PTPRD: variants seen among roughly 807,000 people sequenced by gnomAD.
PTPRD encodes receptor-type tyrosine-protein phosphatase delta.
In PTPRD, 34 loss-of-function variants were observed where a neutral mutation model predicts 214.5. The ratio of observed to expected loss-of-function variants is 0.16; its 90% CI spans 0.12 to 0.21. PTPRD has a LOEUF of 0.21. PTPRD is among the 10% of genes least tolerant of loss of function. The probability of loss-of-function intolerance (pLI) is 1.00; values close to 1 mark genes in which losing one functional copy is unlikely to be tolerated. For missense variants in PTPRD, 2,545 were observed against 2,398.7 expected (o/e 1.06, Z -1.27); for synonymous variants, 1,128 against 845.7 (o/e 1.33, Z -5.79).
At chr9:9,941,949 A>T (rs549677859) in intron 4 of PTPRD, among the ~76,000 whole-genome samples, 1 of 152,202 alleles carries the variant, frequency 6.6e-6, no homozygotes, top group Admixed American at 6.6e-5. Context: ...GATTTAAAAT[A>T]AAGAGTTGAA....
At chr9:9,518,648 T>C (rs2096892586) in intron 8 of PTPRD, among the ~76,000 whole-genome samples, 1 of 152,056 alleles carries the variant, frequency 6.6e-6, no homozygotes, top group Admixed American at 6.6e-5. Context: ...TTAAATATTT[T>C]CCTCAGGAAA....
At chr9:9,475,911 C>A (rs111727808) in intron 8 of PTPRD, among the ~76,000 whole-genome samples, 1 of 152,012 alleles carries the variant, frequency 6.6e-6, no homozygotes, top group Non-Finnish European at 1.5e-5. Context: ...CTGCTACCTC[C>A]GCAGTGGTAG....
At chr9:9,527,582 A>C (rs1328133515) in intron 8 of PTPRD, among the ~76,000 whole-genome samples, 1 of 152,202 alleles carries the variant, frequency 6.6e-6, no homozygotes, top group Non-Finnish European at 1.5e-5. Context: ...CAAATTTCTT[A>C]GAATTGTTTC....
intron 8 of PTPRD, among the ~76,000 whole-genome samples, chr9:9,569,748 G>A (rs1034794759): frequency 1.3e-5 from 2 of 151,518 alleles, no homozygotes; most frequent in Admixed American, 6.6e-5. Flanking sequence ...TGTCGGGAAC[G>A]GGGGAAGGCT....
chr9:8,611,471 G>C lies in PTPRD; in HGVS notation c.352+21846C>G, dbSNP rs1367100276. On this transcript the variant is annotated intron_variant, in intron 14 of 45. Coordinates refer to ENST00000381196, the MANE Select transcript of PTPRD (RefSeq NM_002839.4). Reference sequence around the variant, plus strand: ...TGTAATCCCAGCACTTTGGAAGCCTGAGGAAGGTGAATTGCTTGAGCCCAG... The same window carrying C: ...TGTAATCCCAGCACTTTGGAAGCCTCAGGAAGGTGAATTGCTTGAGCCCAG... 2.0e-5 allele frequency among the ~76,000 whole-genome samples: 3 copies of C among 152,146 alleles called. No individual in the cohort carries two copies. The East Asian group carries it at 5.8e-4, about 29-fold the overall frequency.
At chr9:10,090,744 A>G (rs72694837) in intron 3 of PTPRD, among the ~76,000 whole-genome samples, 7,356 of 145,682 alleles carry the variant, frequency 0.05, 232 homozygotes, top group Admixed American at 0.097. Flanking sequence ...ACTTATTTAC[A>G]TGTTAACTCA....
chr9:9,328,614 CTTGCTTTTTTTTTTTTTTTT>C (rs2041021870), intron 9 of PTPRD, among the ~76,000 whole-genome samples: 1 of 39,076 alleles, frequency 2.6e-5, no homozygotes, highest in African/African-American at 7.6e-5. Flanking sequence ...TGTTGTTGTT[CTTGCTTTTTTTTTTTTTTTT>C]TTTTTTTTTT....
intron 3 of PTPRD, among the ~76,000 whole-genome samples, chr9:10,175,589 T>C (rs1677787134): frequency 6.6e-6 from 1 of 152,052 alleles, no homozygotes; most frequent in South Asian, 2.1e-4. Flanking sequence ...TTGCAATCCC[T>C]TAACATACAG....
rs2099756506 is a variant in PTPRD, at chr9:9,079,840, G to T, written c.-142-61105C>A. 2.0e-5 allele frequency among the ~76,000 whole-genome samples: 3 copies of T among 152,064 alleles called. No individual in the cohort carries two copies. In the South Asian group the frequency reaches 6.2e-4, roughly 32 times the overall value. ...GGTTATGACAAAGGTAGATTAAGGAGAGCTAGGATTTCATCCAGTTCATGA... is the reference window on the plus strand; with the variant it reads ...GGTTATGACAAAGGTAGATTAAGGATAGCTAGGATTTCATCCAGTTCATGA... On this transcript the variant is annotated intron_variant, in intron 10 of 45. Transcript: ENST00000381196.
chr9:9,731,024 C>T (rs984224300), intron 7 of PTPRD, among the ~76,000 whole-genome samples: 1 of 152,082 alleles, frequency 6.6e-6, no homozygotes, highest in African/African-American at 2.4e-5. Flanking sequence ...CACACAGATA[C>T]AAAATTCAGT....
chr9:10,130,405 C>T (rs1222822158), intron 3 of PTPRD, among the ~76,000 whole-genome samples: 1 of 152,042 alleles, frequency 6.6e-6, no homozygotes, highest in African/African-American at 2.4e-5. Context: ...TCCCCATTAA[C>T]CTATGTCATA....
intron 2 of PTPRD, among the ~76,000 whole-genome samples, chr9:10,537,585 C>A (rs182879857): frequency 6.6e-6 from 1 of 152,122 alleles, no homozygotes; most frequent in African/African-American, 2.4e-5. Flanking sequence ...ACTGTCAAAT[C>A]ATTGTCTATT....
rs938392684 is a variant in PTPRD, at chr9:8,893,226, T to C, written c.-104+125471A>G. Among the ~76,000 whole-genome samples the C allele has an allele frequency of 2.0e-5, 3 of 152,266 alleles. No individual in the cohort carries two copies. In the South Asian group the frequency reaches 6.2e-4, roughly 32 times the overall value. ...CAAGAGAGGTTAAAACAGAAGCATGTTCCTGGAGATAATAAGGAAAAGATG... is the reference window on the plus strand; with the variant it reads ...CAAGAGAGGTTAAAACAGAAGCATGCTCCTGGAGATAATAAGGAAAAGATG... On this transcript the variant is annotated intron_variant, in intron 11 of 45. Coordinates refer to ENST00000381196, the MANE Select transcript of PTPRD (RefSeq NM_002839.4).
chr9:10,368,744 A>G (rs1487791186), intron 2 of PTPRD, among the ~76,000 whole-genome samples: 1 of 152,132 alleles, frequency 6.6e-6, no homozygotes, highest in Non-Finnish European at 1.5e-5. Context: ...TGATGTTAAT[A>G]TTACAAAACT....
chr9:10,463,567 T>C (rs982685273), intron 2 of PTPRD, among the ~76,000 whole-genome samples: 31 of 152,142 alleles, frequency 2.0e-4, no homozygotes, highest in African/African-American at 7.5e-4. Flanking sequence ...GAATTCACAA[T>C]GACCTCAGTA....
At position 9,033,263 on chromosome 9, in the gene PTPRD, A is replaced by G. The variant is rs921214747; in HGVS notation, c.-142-14528T>C. Among the ~76,000 whole-genome samples, 7 of 152,232 alleles carry G rather than the reference A, an allele frequency of 4.6e-5. No homozygotes were observed. In the South Asian group the frequency reaches 1.5e-3, roughly 32 times the overall value. On this transcript the variant is annotated intron_variant, in intron 10 of 45. Transcript: ENST00000381196. ...GACAGAGTTAGAAACACCAAACTTT[A>G]TTGCTGGAGAAGGCTTTGGAAAATA...
At chr9:8,712,873 C>G (rs1185744921) in intron 12 of PTPRD, among the ~76,000 whole-genome samples, 5 of 152,094 alleles carry the variant, frequency 3.3e-5, no homozygotes, top group Non-Finnish European at 7.4e-5. Context: ...CACCCGCCAC[C>G]ACGCCTGACT....
At chr9:9,379,782 GA>G (rs1305947005) in intron 9 of PTPRD, among the ~76,000 whole-genome samples, 1 of 151,810 alleles carries the variant, frequency 6.6e-6, no homozygotes, top group Non-Finnish European at 1.5e-5. Context: ...GTTTATTTCT[GA>G]AGTGTGCTAA....
At chr9:8,755,838 A>G (rs1472272208) in intron 11 of PTPRD, among the ~76,000 whole-genome samples, 1 of 152,214 alleles carries the variant, frequency 6.6e-6, no homozygotes, top group East Asian at 1.9e-4. Context: ...GGAGAACAGT[A>G]AATGACCAGC....
Sources: allele counts gnomAD v4.1 joint callset (sites outside exome capture counted in the v4.1 genomes callset), GRCh38; gene constraint gnomAD v4.1.1; transcripts MANE v1.5; gene names NCBI Gene and HGNC (gene_info 2026-07-23, HGNC 2026-07-21).